The following GALNT5 variants were observed in gnomAD, a reference collection of about 807,000 sequenced individuals.
GALNT5 encodes the protein polypeptide N-acetylgalactosaminyltransferase 5, also known as UDP-GalNAc:polypeptide N-acetylgalactosaminyltransferase 5.
In GALNT5, 72 loss-of-function variants were observed where a neutral mutation model predicts 85.4. That is an observed-to-expected ratio of 0.84 (90% confidence interval 0.70 to 1.03). GALNT5 has a LOEUF of 1.03. GALNT5 is among the 50% of genes least tolerant of loss of function. The pLI is 0.00. For missense variants in GALNT5, 1,137 were observed against 1,135.5 expected (o/e 1.00, Z -0.02); for synonymous variants, 404 against 397.0 (o/e 1.02, Z -0.21).
intron 7 of GALNT5, 126 bp downstream of exon 7, chr2:157,301,125 C>A: frequency 1.5e-6 from 1 of 682,438 alleles, no homozygotes; most frequent in Non-Finnish European, 2.5e-6. Flanking sequence ...AAAGATGGGA[C>A]AAAGCATGGC....
chr2:157,299,480 G>A (rs1683292240), intron 5 of GALNT5, 68 bp from the exon 6 acceptor site: 3 of 903,766 alleles, frequency 3.3e-6, no homozygotes, highest in African/African-American at 3.3e-5. Context: ...CAGATGTACA[G>A]AGGAACAACT....
chr2:157,314,462 A>G lies in GALNT5; in HGVS notation c.*3114A>G, dbSNP rs1025895808. Among the ~76,000 whole-genome samples, 2 of 152,170 alleles carry G rather than the reference A, an allele frequency of 1.3e-5. No homozygotes were observed. The highest frequency in any genetic ancestry group is 1.9e-4 in the East Asian group (1 of 5,196). On this transcript the variant is annotated 3_prime_UTR_variant, in exon 10 of 10. Transcript: ENST00000259056. ...CAAATTTGCTTAATACTGCTTGTTG[A>G]CATCCCCTCAGCTGTCATTCACAGC...
intron 8 of GALNT5, among the ~76,000 whole-genome samples, chr2:157,306,281 A>G (rs1414769750): frequency 6.6e-6 from 1 of 152,220 alleles, no homozygotes; most frequent in South Asian, 2.1e-4. Context: ...AAGAGACAAC[A>G]TATTTCTAAA....
intron 3 of GALNT5, among the ~76,000 whole-genome samples, chr2:157,290,971 G>A (rs925181048): frequency 2.0e-5 from 3 of 152,156 alleles, no homozygotes; most frequent in Non-Finnish European, 4.4e-5. Flanking sequence ...AAAAAGATTA[G>A]GTCCAATCAG....
intron 3 of GALNT5, among the ~76,000 whole-genome samples, chr2:157,294,553 A>G (rs1343256907): frequency 6.6e-6 from 1 of 152,302 alleles, no homozygotes; most frequent in East Asian, 1.9e-4. Context: ...GCAGAAGAGC[A>G]AGTGCTGCAG....
chr2:157,284,414 G>A lies in GALNT5; in HGVS notation c.1587G>A (p.Lys529=). The A allele has an allele frequency of 6.2e-7, 1 of 1,613,952 alleles. No homozygotes were observed. The highest frequency in any genetic ancestry group is 1.7e-5 in the Admixed American group (1 of 60,014). ...VINRSPPHLI[K]EILLVDDFST... ...ATCGCTCTCCTCCACACCTCATCAAGGAGATTCTGCTGGTAGATGACTTCA... is the reference window on the plus strand; with the variant it reads ...ATCGCTCTCCTCCACACCTCATCAAAGAGATTCTGCTGGTAGATGACTTCA... Residue 529 remains lysine (K), a synonymous_variant, in exon 2 of 10, where the codon AAG becomes AAA. Transcript: ENST00000259056.
Position 157,278,417 on chromosome 2 carries a change from T to C in GALNT5, c.1455-5865T>C, listed in dbSNP as rs541356602. Among the ~76,000 whole-genome samples, 71 of 152,350 alleles carry C rather than the reference T, an allele frequency of 4.7e-4. No individual in the cohort carries two copies. In the Middle Eastern group the frequency reaches 0.01, roughly 22 times the overall value. Reference sequence around the variant, plus strand: ...ATATCCTGAAGTGTGTTTTCCAACTTGGTTCCATTCTCCCCATCACTTTCA... The same window carrying C: ...ATATCCTGAAGTGTGTTTTCCAACTCGGTTCCATTCTCCCCATCACTTTCA... On this transcript the variant is annotated intron_variant, in intron 1 of 9. Transcript: ENST00000259056.
At position 157,257,959 on chromosome 2, in the gene GALNT5, C is replaced by T; in HGVS notation, c.-124C>T. 1.0e-6 allele frequency: 1 copy of T among 960,808 alleles called. No individual in the cohort carries two copies. Among genetic ancestry groups the T allele is most frequent in the Non-Finnish European group, 1.6e-6 (1 of 613,388 alleles). The allele number at this position is 960,808 out of a possible 1,614,324, so 59.5% of individuals were successfully genotyped here. On this transcript the variant is annotated 5_prime_UTR_variant, in exon 1 of 10. Transcript: ENST00000259056. ...TTGGACTGCTGCTTCCTGCTGTGTT[C>T]AGGGGAGGGGGTCACTTTCTGGCAA...
At position 157,311,614 on chromosome 2, in the gene GALNT5, C is replaced by T. The variant is rs1683574663; in HGVS notation, c.*266C>T. On this transcript the variant is annotated 3_prime_UTR_variant, in exon 10 of 10. Transcript: ENST00000259056. ...TGCTAGACCTCATCATGCAAATTTC[C>T]CTGTGAAAGCTAACAGGTAACTGGA... is the stretch of plus-strand genomic sequence containing the variant. 7.8e-6 allele frequency: 2 copies of T among 257,960 alleles called. No homozygotes were observed. Among genetic ancestry groups the T allele is most frequent in the African/African-American group, 2.3e-5 (1 of 44,364 alleles). The allele number at this position is 257,960 out of a possible 1,614,324, so 16.0% of individuals were successfully genotyped here. A position where few individuals can be genotyped will look rare whatever the true frequency, so the allele number is the denominator to read the frequency against.
chr2:157,268,521 T>A (rs1205505496), intron 1 of GALNT5, among the ~76,000 whole-genome samples: 1 of 152,218 alleles, frequency 6.6e-6, no homozygotes, highest in Non-Finnish European at 1.5e-5. Flanking sequence ...TCTTCACCAC[T>A]GTTCTGTGAT....
At chr2:157,308,463 G>T in intron 8 of GALNT5, 104 bp from the exon 9 acceptor site, 1 of 772,196 alleles carries the variant, frequency 1.3e-6, no homozygotes, top group Non-Finnish European at 2.1e-6. Flanking sequence ...TAAAATGTCA[G>T]ATCATAGTTC....
chr2:157,313,605 C>T lies in GALNT5; in HGVS notation c.*2257C>T, dbSNP rs555042808. ...AAAAAATGTTGAGAGGTTTTTTTCC[C>T]CCGGGTATATAGGCTCTCTTTTTAT... On this transcript the variant is annotated 3_prime_UTR_variant, in exon 10 of 10. Coordinates refer to ENST00000259056, the MANE Select transcript of GALNT5 (RefSeq NM_014568.3). 6.6e-6 allele frequency: 1 copy of T among 152,026 alleles called. No individual in the cohort carries two copies. Among genetic ancestry groups the T allele is most frequent in the East Asian group, 1.9e-4 (1 of 5,178 alleles). The allele number at this position is 152,026 out of a possible 1,614,324, so 9.4% of individuals were successfully genotyped here. A position where few individuals can be genotyped will look rare whatever the true frequency, so the allele number is the denominator to read the frequency against.
chr2:157,292,860 C>T (rs1432461167), intron 3 of GALNT5, among the ~76,000 whole-genome samples: 4 of 152,230 alleles, frequency 2.6e-5, no homozygotes, highest in Admixed American at 6.5e-5. Flanking sequence ...CACACACACA[C>T]GCCCGATTGA....
intron 3 of GALNT5, among the ~76,000 whole-genome samples, chr2:157,294,965 CT>C (rs11449042): frequency 5.4e-5 from 8 of 148,016 alleles, no homozygotes; most frequent in African/African-American, 1.5e-4. Context: ...GTTTCTTTTC[CT>C]TTTTTTTTTC....
At chr2:157,298,845 G>C (rs1683273594) in intron 5 of GALNT5, 2 of 152,402 alleles carry the variant, frequency 1.3e-5, no homozygotes, top group Admixed American at 1.3e-4. Flanking sequence ...TACTGTCCTT[G>C]GGAAAGTTTC....
Position 157,316,345 on chromosome 2 carries a change from G to A in GALNT5, c.*4997G>A, listed in dbSNP as rs764317444. 2.6e-5 allele frequency among the ~76,000 whole-genome samples: 4 copies of A among 151,562 alleles called. No homozygotes were observed. Among genetic ancestry groups the A allele is most frequent in the East Asian group, 1.9e-4 (1 of 5,176 alleles). On this transcript the variant is annotated 3_prime_UTR_variant, in exon 10 of 10. Transcript: ENST00000259056. ...CTTTTTATTAAAGGAAAAATCCACC[G>A]AGAACTATTTTACCCTTTCTAATGG... is the stretch of plus-strand genomic sequence containing the variant.
chr2:157,267,752 T>G (rs991137941), intron 1 of GALNT5, among the ~76,000 whole-genome samples: 16 of 152,234 alleles, frequency 1.1e-4, no homozygotes, highest in African/African-American at 3.9e-4. Context: ...ACATTTACCA[T>G]GGCAACCACA....
At chr2:157,295,886 G>A (rs1683205125) in intron 4 of GALNT5, 88 bp downstream of exon 4, 1 of 945,838 alleles carries the variant, frequency 1.1e-6, no homozygotes, top group African/African-American at 1.6e-5. Flanking sequence ...TAATATGTGT[G>A]TTTTTTCAAA....
At chr2:157,268,446 G>A (rs1574013053) in intron 1 of GALNT5, among the ~76,000 whole-genome samples, 1 of 152,184 alleles carries the variant, frequency 6.6e-6, no homozygotes, top group East Asian at 1.9e-4. Flanking sequence ...GGTAATCGTA[G>A]GTTCTCACAT....
Sources: allele counts gnomAD v4.1 joint callset (sites outside exome capture counted in the v4.1 genomes callset), GRCh38; gene constraint gnomAD v4.1.1; transcripts MANE v1.5; gene names NCBI Gene and HGNC (gene_info 2026-07-23, HGNC 2026-07-21).